The following NUCB1 variants were observed in gnomAD, a reference collection of about 807,000 sequenced individuals.
The protein encoded by NUCB1 is nucleobindin 1, also known as nucleobindin-1.
Under a neutral mutation model 61.2 loss-of-function variants are expected in NUCB1, and 47 were observed. That is an observed-to-expected ratio of 0.77 (90% CI 0.61 to 0.98). The LOEUF is 0.98. NUCB1 is among the 50% of genes least tolerant of loss of function. The probability of loss-of-function intolerance (pLI) is 0.00; values close to 1 mark genes in which losing one functional copy is unlikely to be tolerated. For missense variants in NUCB1, 583 were observed against 605.3 expected, an observed-to-expected ratio of 0.96 and a Z score of 0.39; for synonymous variants, 234 against 243.1, an observed-to-expected ratio of 0.96 and a Z score of 0.35.
chr19:48,911,533 G>A (rs1465383880), intron 5 of NUCB1, among the ~76,000 whole-genome samples: 1 of 151,388 alleles, frequency 6.6e-6, no homozygotes, highest in Non-Finnish European at 1.5e-5. Flanking sequence ...AGCCTCCCGA[G>A]TAGCTAGGAT....
At position 48,921,851 on chromosome 19, in the gene NUCB1, AAGCAGCAGC is replaced by A. The variant is rs761983123; in HGVS notation, c.1212_1220del (p.Gln405_Gln407del). 276 of 1,612,310 alleles carry A rather than the reference AAGCAGCAGC, an allele frequency of 1.7e-4. No homozygotes were observed. In the Middle Eastern group the frequency reaches 2.0e-3, roughly 12 times the overall value. On this transcript the variant is annotated inframe_deletion, in exon 12 of 13. Coordinates refer to ENST00000405315, the MANE Select transcript of NUCB1 (RefSeq NM_006184.6). ...GGCTGTGCTGCACATGGAGCAGCGG[AAGCAGCAGC>A]AGCAGCAGCAGCAAGGCCACAAGGC...
intron 4 of NUCB1, among the ~76,000 whole-genome samples, chr19:48,908,942 A>G (rs1348548942): frequency 6.6e-6 from 1 of 151,976 alleles, no homozygotes; most frequent in Non-Finnish European, 1.5e-5. Context: ...CCCCTTCCTG[A>G]CTACTTGGAA....
At chr19:48,918,880 C>T in intron 8 of NUCB1, 96 bp downstream of exon 8, 1 of 1,349,704 alleles carries the variant, frequency 7.4e-7, no homozygotes, top group Admixed American at 1.8e-5. Context: ...GATGGGAGCT[C>T]AGTGAAAACT....
intron 10 of NUCB1, among the ~76,000 whole-genome samples, chr19:48,920,899 T>G (rs2037601788): frequency 6.6e-6 from 1 of 152,090 alleles, no homozygotes; most frequent in Admixed American, 6.6e-5. Flanking sequence ...CAGGCTGACC[T>G]TGAACTCCTG....
intron 3 of NUCB1, among the ~76,000 whole-genome samples, chr19:48,905,362 C>CT (rs1458659299): frequency 6.6e-6 from 1 of 152,228 alleles, no homozygotes; most frequent in Non-Finnish European, 1.5e-5. Flanking sequence ...GTATCAGGAT[C>CT]TGTCCTTCTC....
intron 4 of NUCB1, 65 bp from the exon 5 acceptor site, chr19:48,911,084 C>A (rs989529255): frequency 6.6e-6 from 8 of 1,207,158 alleles, no homozygotes; most frequent in Non-Finnish European, 9.7e-6. Flanking sequence ...TGGATCATGT[C>A]TGGCCCAAGA....
rs534016717 is a variant in NUCB1, at chr19:48,904,023, T to C, written c.136-324T>C. 2.4e-4 allele frequency among the ~76,000 whole-genome samples: 25 copies of C among 102,348 alleles called. 1 individual carries two copies. The South Asian group carries it at 4.4e-3, about 18-fold the overall frequency. 67.1% of individuals were successfully genotyped at this position (102,348 alleles called of 152,430 possible). A position where few individuals can be genotyped will look rare whatever the true frequency, so the allele number is the denominator to read the frequency against. ...TGGGTAGGATGTATGTATGGATGGG[T>C]GGGTGGGATGTATGGATGGATGGGT... On this transcript the variant is annotated intron_variant, in intron 2 of 12. Coordinates refer to ENST00000405315, the MANE Select transcript of NUCB1 (RefSeq NM_006184.6).
chr19:48,905,782 T>C lies in NUCB1; in HGVS notation c.273T>C (p.Phe91=), dbSNP rs749980920. 22 of 1,614,052 alleles carry C rather than the reference T, an allele frequency of 1.4e-5. No individual in the cohort carries two copies. Among genetic ancestry groups the C allele is most frequent in the Non-Finnish European group, 1.8e-5 (21 of 1,180,016 alleles). The change falls in exon 4 of 13, where the codon TTT becomes TTC. Residue 91 remains phenylalanine, a synonymous_variant. Coordinates refer to ENST00000405315, the MANE Select transcript of NUCB1 (RefSeq NM_006184.6). ...GGAAGCTGAGCCGAGAGCTGGACTT[T>C]GTCAGCCACCACGTCCGCACCAAGC... ...KSGKLSRELD[F]VSHHVRTKLD...
At chr19:48,919,703 C>A (rs2037586572) in intron 10 of NUCB1, among the ~76,000 whole-genome samples, 1 of 151,116 alleles carries the variant, frequency 6.6e-6, no homozygotes, top group Non-Finnish European at 1.5e-5. Flanking sequence ...GTCTCAAACT[C>A]CTGACCTCAG....
chr19:48,917,498 A>AT (rs34434500), intron 7 of NUCB1, among the ~76,000 whole-genome samples: 6 of 148,958 alleles, frequency 4.0e-5, no homozygotes, highest in African/African-American at 1.5e-4. Context: ...CAATTTTTAA[A>AT]TTTTTTTTTT....
At chr19:48,910,535 T>C (rs1470481106) in intron 4 of NUCB1, among the ~76,000 whole-genome samples, 12 of 151,872 alleles carry the variant, frequency 7.9e-5, no homozygotes, top group Non-Finnish European at 1.6e-4. Flanking sequence ...CTACTAAAAA[T>C]ACAAAAATTA....
chr19:48,905,898 A>AG lies in NUCB1; in HGVS notation c.376+16dup. 1.5e-5 allele frequency: 5 copies of AG among 334,530 alleles called. No homozygotes were observed. Among genetic ancestry groups the AG allele is most frequent in the South Asian group, 2.4e-5 (1 of 42,096 alleles). 20.7% of individuals were successfully genotyped at this position (334,530 alleles called of 1,614,324 possible). Reference sequence around the variant, plus strand: ...GAGCAGGATCCCAGTGAGCAGGGGCAGGGCGGGAGGGACAGGCAGGGAGGG... The same window carrying AG: ...GAGCAGGATCCCAGTGAGCAGGGGCAGGGGCGGGAGGGACAGGCAGGGAGGG... On this transcript the variant is annotated intron_variant, in intron 4 of 12. Coordinates refer to ENST00000405315, the MANE Select transcript of NUCB1 (RefSeq NM_006184.6).
At chr19:48,904,479 T>A in intron 3 of NUCB1, 25 bp downstream of exon 3, 1 of 1,439,410 alleles carries the variant, frequency 6.9e-7, no homozygotes, top group Non-Finnish European at 9.7e-7. Flanking sequence ...GTGGGGGCTG[T>A]GGGAGGGGTA....
At position 48,904,462 on chromosome 19, in the gene NUCB1, TG is replaced by T; in HGVS notation, c.243+13del. ...AATGCGGAGGACATCAAGGTGCGGC[TG>T]GGGGAGTGGGGGCTGTGGGAGGGGT... On this transcript the variant is annotated intron_variant, in intron 3 of 12. Transcript: ENST00000405315. 2.6e-6 allele frequency: 4 copies of T among 1,550,168 alleles called. No homozygotes were observed. The highest frequency in any genetic ancestry group is 3.5e-6 in the Non-Finnish European group (4 of 1,134,550).
At chr19:48,912,571 C>T (rs1032368857) in intron 5 of NUCB1, among the ~76,000 whole-genome samples, 2 of 152,074 alleles carry the variant, frequency 1.3e-5, no homozygotes, top group Admixed American at 1.3e-4. Context: ...CGCGATGGCT[C>T]ACGCCTATAA....
rs1194621097 is a variant in NUCB1 at position 48,904,189 on chromosome 19, T to C, written c.136-158T>C. Among the ~76,000 whole-genome samples the C allele has an allele frequency of 3.3e-5, 5 of 152,262 alleles. No homozygotes were observed. The East Asian group carries it at 9.6e-4, about 29-fold the overall frequency. On this transcript the variant is annotated intron_variant, in intron 2 of 12. Transcript: ENST00000405315. The stretch of plus-strand genomic sequence containing the variant: ...GGGCAGTATTGGGCTGGGTGTTCAC[T>C]GATGTGATTTTCATTTCATCTTTGC...
At chr19:48,900,958 C>A (rs754005579) in intron 2 of NUCB1, 27 bp downstream of exon 2, 1 of 1,613,502 alleles carries the variant, frequency 6.2e-7, no homozygotes, top group Admixed American at 1.7e-5. Context: ...TGCTATCCAG[C>A]CAGGTGTTTG....
At chr19:48,901,518 C>G (rs931719548) in intron 2 of NUCB1, among the ~76,000 whole-genome samples, 14 of 152,318 alleles carry the variant, frequency 9.2e-5, no homozygotes, top group Admixed American at 9.1e-4. Flanking sequence ...AATCCTAGCA[C>G]TTTGGGAGGC....
intron 4 of NUCB1, among the ~76,000 whole-genome samples, chr19:48,909,551 A>G (rs1045974369): frequency 2.0e-5 from 3 of 150,178 alleles, no homozygotes; most frequent in Admixed American, 6.7e-5. Context: ...CCGGCCTATT[A>G]TTATTTTGAG....
Sources: gnomAD v4.1 joint callset for allele counts (sites outside exome capture counted in the v4.1 genomes callset) on GRCh38, gnomAD v4.1.1 for gene constraint, MANE v1.5 for transcripts, NCBI Gene and HGNC (gene_info 2026-07-23, HGNC 2026-07-21) for gene names.